Variants in ASIC2 observed in about 807,000 individuals in gnomAD.
The protein encoded by ASIC2 is acid sensing ion channel subunit 2.
ASIC2 carries 25 observed loss-of-function variants against 57.3 expected under a neutral mutation model. The ratio of observed to expected loss-of-function variants is 0.44; its 90% CI spans 0.32 to 0.61. The LOEUF is 0.61. Among genes scored for constraint, ASIC2 ranks in the 20% least tolerant of loss-of-function variants. The pLI, the probability that ASIC2 is intolerant of heterozygous loss-of-function variation, is 0.06. For missense variants in ASIC2, 641 were observed against 738.1 expected, an observed-to-expected ratio of 0.87 and a Z score of 1.52; for synonymous variants, 319 against 307.5, an observed-to-expected ratio of 1.04 and a Z score of -0.39.
chr17:33,351,772 G>A lies in ASIC2; in HGVS notation c.556-239705C>T, dbSNP rs529767951. 2.6e-5 allele frequency among the ~76,000 whole-genome samples: 4 copies of A among 152,262 alleles called. No individual in the cohort carries two copies. In the South Asian group the frequency reaches 8.3e-4, roughly 32 times the overall value. On this transcript the variant is annotated intron_variant, in intron 1 of 9. Coordinates refer to the ASIC2 transcript ENST00000359872. ...AGCACCCTGTGTTTATGATTCTTGG[G>A]CATTTTAGAGCTTTTCTGAAGGTTT...
At chr17:33,910,126 T>C (rs996368371) in intron 1 of ASIC2, among the ~76,000 whole-genome samples, 1 of 152,194 alleles carries the variant, frequency 6.6e-6, no homozygotes, top group Non-Finnish European at 1.5e-5. Context: ...GCTATTAATA[T>C]TCAAACAGCT....
intron 1 of ASIC2, among the ~76,000 whole-genome samples, chr17:33,869,127 T>A (rs898291089): frequency 6.6e-6 from 1 of 152,080 alleles, no homozygotes; most frequent in Non-Finnish European, 1.5e-5. Context: ...AAGGAAGATA[T>A]ACGAATGGCA....
chr17:34,095,661 A>ATATATATATATAATAT (rs1567818967), intron 1 of ASIC2, among the ~76,000 whole-genome samples: 1 of 100,170 alleles, frequency 1.0e-5, no homozygotes, highest in African/African-American at 4.6e-5. Context: ...ATATAATTTT[A>ATATATATATATAATAT]TATATATATA....
chr17:33,953,836 T>C (rs1368477246), intron 1 of ASIC2, among the ~76,000 whole-genome samples: 2 of 151,960 alleles, frequency 1.3e-5, no homozygotes, highest in Admixed American at 1.3e-4. Context: ...GGTAAATAAG[T>C]ATATTAAGAG....
intron 1 of ASIC2, among the ~76,000 whole-genome samples, chr17:33,930,811 C>G (rs1915914452): frequency 6.6e-6 from 1 of 152,126 alleles, no homozygotes; most frequent in South Asian, 2.1e-4. Flanking sequence ...TGGAGCAGAC[C>G]CACAGGTGGT....
At chr17:33,902,433 C>A (rs1297461955) in intron 1 of ASIC2, among the ~76,000 whole-genome samples, 1 of 152,240 alleles carries the variant, frequency 6.6e-6, no homozygotes, top group Non-Finnish European at 1.5e-5. Flanking sequence ...TTAGCTAATG[C>A]AAGAGGCTCT....
chr17:33,492,508 T>C (rs1049338367), intron 1 of ASIC2, among the ~76,000 whole-genome samples: 4 of 152,238 alleles, frequency 2.6e-5, no homozygotes, highest in African/African-American at 4.8e-5. Flanking sequence ...CCTTCCCACA[T>C]AGAAACTCAG....
At chr17:33,350,701 A>C (rs911907474) in intron 1 of ASIC2, among the ~76,000 whole-genome samples, 1 of 151,998 alleles carries the variant, frequency 6.6e-6, no homozygotes, top group Non-Finnish European at 1.5e-5. Context: ...GAAAGAAAGA[A>C]AGAAAGAAAG....
At position 33,158,886 on chromosome 17, in the gene ASIC2, C is replaced by T. The variant is rs548360271; in HGVS notation, c.709-46819G>A. On this transcript the variant is annotated intron_variant, in intron 1 of 9. Transcript: ENST00000225823. Reference sequence around the variant, plus strand: ...TGAGGTGTAGAAATTTACTAAACATCGATACTCACAAATGGAATTCATGTG... The same window carrying T: ...TGAGGTGTAGAAATTTACTAAACATTGATACTCACAAATGGAATTCATGTG... 1.3e-4 allele frequency among the ~76,000 whole-genome samples: 20 copies of T among 152,278 alleles called. 1 individual carries two copies. In the South Asian group the frequency reaches 3.5e-3, roughly 27 times the overall value.
chr17:33,363,837 T>C (rs1421763115), intron 1 of ASIC2, among the ~76,000 whole-genome samples: 2 of 152,124 alleles, frequency 1.3e-5, no homozygotes, highest in East Asian at 3.9e-4. Context: ...TCCGGGCACA[T>C]TGGGGGAATA....
chr17:34,024,296 T>C (rs550092707), intron 1 of ASIC2, among the ~76,000 whole-genome samples: 19 of 152,208 alleles, frequency 1.2e-4, no homozygotes, highest in Non-Finnish European at 2.6e-4. Context: ...ATCTCAGCAC[T>C]ACTTAGAAAC....
chr17:33,221,868 G>GTTCA (rs1907701919), intron 1 of ASIC2, among the ~76,000 whole-genome samples: 1 of 151,586 alleles, frequency 6.6e-6, no homozygotes, highest in African/African-American at 2.4e-5. Flanking sequence ...CCCGATAGAT[G>GTTCA]TTTAAACCAT....
At chr17:33,598,026 A>C (rs1179823412) in intron 1 of ASIC2, among the ~76,000 whole-genome samples, 2 of 152,186 alleles carry the variant, frequency 1.3e-5, no homozygotes, top group Non-Finnish European at 2.9e-5. Flanking sequence ...ATGTTGCTTT[A>C]ATAATTAATG....
At chr17:33,025,185 T>G (rs955417112) in intron 5 of ASIC2, among the ~76,000 whole-genome samples, 4 of 152,166 alleles carry the variant, frequency 2.6e-5, no homozygotes, top group African/African-American at 4.8e-5. Flanking sequence ...TGAGGGCACA[T>G]TGTTTAAAAA....
chr17:33,712,635 GCTTTTTT>G (rs1303979045), intron 1 of ASIC2, among the ~76,000 whole-genome samples: 17 of 123,320 alleles, frequency 1.4e-4, no homozygotes, highest in Admixed American at 8.7e-4. Context: ...TACTCATATG[GCTTTTTT>G]TTTTTTTTTT....
chr17:33,841,282 C>T (rs1424815705), intron 1 of ASIC2, among the ~76,000 whole-genome samples: 1 of 152,180 alleles, frequency 6.6e-6, no homozygotes, highest in East Asian at 1.9e-4. Context: ...AGGTCTCTGC[C>T]ATCAGAATTG....
intron 1 of ASIC2, among the ~76,000 whole-genome samples, chr17:33,567,353 G>A (rs902087532): frequency 5.3e-5 from 8 of 152,080 alleles, no homozygotes; most frequent in South Asian, 4.1e-4. Flanking sequence ...GTGAAGGTGC[G>A]TCAGAAAATG....
At chr17:33,757,355 C>A (rs1910637232) in intron 1 of ASIC2, among the ~76,000 whole-genome samples, 1 of 152,172 alleles carries the variant, frequency 6.6e-6, no homozygotes. Flanking sequence ...GGCATGGTGA[C>A]TCACACCTGT....
chr17:33,025,092 C>G (rs1047532133), intron 5 of ASIC2, among the ~76,000 whole-genome samples: 1 of 152,200 alleles, frequency 6.6e-6, no homozygotes, highest in African/African-American at 2.4e-5. Flanking sequence ...CCTGCCCTCC[C>G]TCTCTAGTCC....
Sources: gnomAD v4.1 joint callset for allele counts (sites outside exome capture counted in the v4.1 genomes callset) on GRCh38, gnomAD v4.1.1 for gene constraint, MANE v1.5 for transcripts, NCBI Gene and HGNC (gene_info 2026-07-23, HGNC 2026-07-21) for gene names.